The following XK variants were observed in gnomAD, a reference collection of about 807,000 sequenced individuals.
The protein encoded by XK is X-linked Kx blood group antigen, Kell and VPS13A binding protein, also known as endoplasmic reticulum membrane adapter protein XK.
XK carries 2 observed loss-of-function variants against 14.0 expected under a neutral mutation model. That is an observed-to-expected ratio of 0.14 (90% confidence interval 0.06 to 0.45). The LOEUF (loss-of-function observed/expected upper bound fraction) is 0.45, where lower values mean the gene tolerates loss of function less well. Among genes scored for constraint, XK ranks in the 20% least tolerant of loss-of-function variants. The pLI, the probability that XK is intolerant of heterozygous loss-of-function variation, is 0.98. For missense variants in XK, 235 were observed against 341.5 expected, an observed-to-expected ratio of 0.69 and a Z score of 2.46; for synonymous variants, 149 against 147.5, an observed-to-expected ratio of 1.01 and a Z score of -0.08.
At chrX:37,693,984 A>G (rs1165505296) in intron 1 of XK, among the ~76,000 whole-genome samples, 1 of 111,959 alleles carries the variant, frequency 8.9e-6, no homozygotes, top group African/African-American at 3.3e-5. Flanking sequence ...GAAACTGCAC[A>G]TTTTTTCTGT....
chrX:37,695,681 C>T (rs1927293735), intron 2 of XK, among the ~76,000 whole-genome samples: 1 of 112,191 alleles, frequency 8.9e-6, no homozygotes, highest in African/African-American at 3.2e-5. Context: ...TATCCTCTTT[C>T]TGCCTATGTT....
chrX:37,721,136 A>G lies in XK; in HGVS notation c.509-6500A>G, dbSNP rs546299784. Among the ~76,000 whole-genome samples, 20 of 111,399 alleles carry G rather than the reference A, an allele frequency of 1.8e-4. No homozygotes were observed. The East Asian group carries it at 3.1e-3, about 17-fold the overall frequency. On this transcript the variant is annotated intron_variant, in intron 2 of 2. Transcript: ENST00000378616. ...CATTTTACACTCCCACCAACAGTGT[A>G]TAAGTGTTCCCTTTTCTCCCATCCT...
At chrX:37,716,411 A>G (rs1569474922) in intron 2 of XK, among the ~76,000 whole-genome samples, 1 of 112,364 alleles carries the variant, frequency 8.9e-6, no homozygotes, top group Non-Finnish European at 1.9e-5. Flanking sequence ...GATTGGGAGG[A>G]AAAGTACACT....
chrX:37,715,368 T>A (rs782582236), intron 2 of XK, among the ~76,000 whole-genome samples: 9 of 111,828 alleles, frequency 8.0e-5, no homozygotes, highest in Admixed American at 1.9e-4. Flanking sequence ...ATTTTGTAGG[T>A]CTTTAAACTT....
intron 1 of XK, 79 bp downstream of exon 1, chrX:37,686,285 G>A (rs1252873142): frequency 8.6e-7 from 1 of 1,162,355 alleles, no homozygotes; most frequent in Non-Finnish European, 1.1e-6. Flanking sequence ...CTCGAGTGGA[G>A]GGAGGCGGTT....
intron 2 of XK, among the ~76,000 whole-genome samples, chrX:37,695,726 C>T (rs1457723817): frequency 5.3e-5 from 6 of 112,193 alleles, no homozygotes; most frequent in African/African-American, 1.9e-4. Flanking sequence ...GTCAGAGTCA[C>T]AGGATACTTA....
chrX:37,694,985 T>C, intron 2 of XK, among the ~76,000 whole-genome samples: 1 of 112,209 alleles, frequency 8.9e-6, no homozygotes, highest in East Asian at 2.8e-4. Context: ...GAAGGCCAGA[T>C]GGAAGCCACA....
intron 1 of XK, among the ~76,000 whole-genome samples, chrX:37,688,055 CTTTCTTTT>C (rs1927123114): frequency 1.6e-5 from 1 of 62,208 alleles, no homozygotes; most frequent in African/African-American, 7.8e-5. Context: ...TTCTTTCTTT[CTTTCTTTT>C]TTTTTTTTTT....
intron 1 of XK, among the ~76,000 whole-genome samples, chrX:37,690,919 T>G (rs1449153487): frequency 3.6e-5 from 4 of 112,010 alleles, no homozygotes; most frequent in Non-Finnish European, 5.6e-5. Flanking sequence ...TAAGAACAGA[T>G]TTTGAGTAAT....
chrX:37,694,744 A>T (rs1927276838), intron 2 of XK, among the ~76,000 whole-genome samples, 196 bp downstream of exon 2: 1 of 112,216 alleles, frequency 8.9e-6, no homozygotes, highest in African/African-American at 3.2e-5. Flanking sequence ...GCAGGGCTCA[A>T]AAGGGTTACC....
intron 2 of XK, among the ~76,000 whole-genome samples, chrX:37,704,610 T>C (rs1927475439): frequency 9.1e-6 from 1 of 110,048 alleles, no homozygotes; most frequent in African/African-American, 3.3e-5. Flanking sequence ...CCAAGGCAGG[T>C]GGATAGCCTG....
At chrX:37,708,597 C>G (rs1927600030) in intron 2 of XK, among the ~76,000 whole-genome samples, 1 of 112,290 alleles carries the variant, frequency 8.9e-6, no homozygotes, top group East Asian at 2.8e-4. Flanking sequence ...TCTTTTACAA[C>G]CTCTTATTAA....
intron 2 of XK, among the ~76,000 whole-genome samples, chrX:37,717,798 TAGTC>T (rs1265592460): frequency 4.5e-5 from 5 of 112,061 alleles, no homozygotes; most frequent in African/African-American, 9.7e-5. Context: ...AGTGAGATCT[TAGTC>T]AGTAAGACTT....
chrX:37,701,097 A>G (rs1927407029), intron 2 of XK, among the ~76,000 whole-genome samples: 1 of 112,091 alleles, frequency 8.9e-6, no homozygotes, highest in Admixed American at 9.4e-5. Flanking sequence ...AACATTATAT[A>G]AAAGCTCTCT....
chrX:37,706,132 G>C (rs1927521778), intron 2 of XK, among the ~76,000 whole-genome samples: 1 of 111,238 alleles, frequency 9.0e-6, no homozygotes, highest in South Asian at 3.7e-4. Flanking sequence ...AAGTGTAAAA[G>C]ATTTATAGAG....
At chrX:37,720,892 A>G (rs1030313140) in intron 2 of XK, among the ~76,000 whole-genome samples, 2 of 111,062 alleles carry the variant, frequency 1.8e-5, no homozygotes, top group Admixed American at 1.9e-4. Flanking sequence ...TATATATCGC[A>G]TTTTCTTTAT....
intron 2 of XK, among the ~76,000 whole-genome samples, chrX:37,712,692 G>A (rs1341134198): frequency 9.0e-6 from 1 of 111,567 alleles, no homozygotes; most frequent in Non-Finnish European, 1.9e-5. Flanking sequence ...GGGTGGCTGT[G>A]GGTCTTTGTT....
At chrX:37,705,285 A>AAC (rs1299679019) in intron 2 of XK, among the ~76,000 whole-genome samples, 1 of 99,639 alleles carries the variant, frequency 1.0e-5, no homozygotes, top group African/African-American at 3.8e-5. Flanking sequence ...CTCTACTAAA[A>AAC]ATACAAAAAA....
chrX:37,698,664 G>C (rs1407450384), intron 2 of XK, among the ~76,000 whole-genome samples: 1 of 110,168 alleles, frequency 9.1e-6, no homozygotes, highest in Non-Finnish European at 1.9e-5. Flanking sequence ...GTATTTCTTG[G>C]GTATGTTCTG....
Sources: gnomAD v4.1 joint callset for allele counts (sites outside exome capture counted in the v4.1 genomes callset) on GRCh38, gnomAD v4.1.1 for gene constraint, MANE v1.5 for transcripts, NCBI Gene and HGNC (gene_info 2026-07-23, HGNC 2026-07-21) for gene names.